The following FAM24B variants were observed in gnomAD, a reference collection of about 807,000 sequenced individuals.
FAM24B encodes the protein protein FAM24B.
Under a neutral mutation model 2.3 loss-of-function variants are expected in FAM24B, and 3 were observed. The ratio of observed to expected loss-of-function variants is 1.29; its 90% CI spans 0.59 to 3.32. FAM24B has a LOEUF of 3.32. Among genes scored for constraint, FAM24B ranks in the 30% most tolerant of loss-of-function variants. The pLI, the probability that FAM24B is intolerant of heterozygous loss-of-function variation, is 0.03. For synonymous variants in FAM24B, 36 were observed against 46.3 expected, an observed-to-expected ratio of 0.78 and a Z score of 0.90; for missense variants, 98 against 117.2, an observed-to-expected ratio of 0.84 and a Z score of 0.76.
chr10:122,879,282 C>G lies in FAM24B; in HGVS notation c.-178+203G>C, dbSNP rs1848035578. Among the ~76,000 whole-genome samples, 3 of 152,390 alleles carry G rather than the reference C, an allele frequency of 2.0e-5. No individual in the cohort carries two copies. In the South Asian group the frequency reaches 6.2e-4, roughly 32 times the overall value. ...GTTCAATATCTACCTCAACTCCCCT[C>G]TAACGCGAGAATGTGTATGAGAGAG... On this transcript the variant is annotated intron_variant, in intron 1 of 3. Transcript: ENST00000368898.
chr10:122,873,132 A>C (rs182166531), intron 1 of FAM24B, among the ~76,000 whole-genome samples: 1 of 152,290 alleles, frequency 6.6e-6, no homozygotes, highest in African/African-American at 2.4e-5. Context: ...TTTTCAGTAT[A>C]GATGAAAACA....
chr10:122,876,424 GC>G (rs1320292521), intron 1 of FAM24B, among the ~76,000 whole-genome samples: 1 of 152,162 alleles, frequency 6.6e-6, no homozygotes, highest in Non-Finnish European at 1.5e-5. Flanking sequence ...AGGTTACTTT[GC>G]CCCCTCCTTC....
chr10:122,879,021 A>G (rs954803486), intron 1 of FAM24B, among the ~76,000 whole-genome samples: 1 of 152,192 alleles, frequency 6.6e-6, no homozygotes, highest in African/African-American at 2.4e-5. Flanking sequence ...CACAACTTAG[A>G]ATGCATCTGG....
intron 1 of FAM24B, among the ~76,000 whole-genome samples, chr10:122,860,140 C>T (rs909494122): frequency 1.3e-5 from 2 of 152,042 alleles, no homozygotes; most frequent in African/African-American, 4.8e-5. Flanking sequence ...CACAACAATA[C>T]CATAAAGAAC....
At chr10:122,858,846 C>A (rs1036208119) in intron 1 of FAM24B, among the ~76,000 whole-genome samples, 2 of 152,214 alleles carry the variant, frequency 1.3e-5, no homozygotes, top group African/African-American at 2.4e-5. Flanking sequence ...GCTAAGGCTT[C>A]AGGGCACCCC....
intron 1 of FAM24B, among the ~76,000 whole-genome samples, chr10:122,865,796 T>C (rs1235397799): frequency 6.6e-6 from 1 of 152,070 alleles, no homozygotes; most frequent in Admixed American, 6.6e-5. Context: ...TTTTACTAGA[T>C]ATAGGCCTAT....
chr10:122,869,860 T>G (rs2133838698), intron 1 of FAM24B, among the ~76,000 whole-genome samples: 2 of 151,876 alleles, frequency 1.3e-5, no homozygotes, highest in Non-Finnish European at 2.9e-5. Context: ...CACCCTAACA[T>G]CACAATTAAA....
intron 1 of FAM24B, among the ~76,000 whole-genome samples, chr10:122,877,171 G>T (rs2133844524): frequency 6.6e-6 from 1 of 152,272 alleles, no homozygotes; most frequent in South Asian, 2.1e-4. Flanking sequence ...CATTAAAATT[G>T]AGGTCACCTA....
intron 1 of FAM24B, among the ~76,000 whole-genome samples, chr10:122,856,296 C>A (rs1346511372): frequency 6.6e-6 from 1 of 152,220 alleles, no homozygotes. Context: ...AGCAGTCTCA[C>A]CCAACTTGTG....
chr10:122,868,904 T>C (rs539494935), intron 1 of FAM24B, among the ~76,000 whole-genome samples: 4 of 152,254 alleles, frequency 2.6e-5, no homozygotes, highest in African/African-American at 7.2e-5. Flanking sequence ...GCTAACATCA[T>C]AATGACAGGA....
chr10:122,853,017 G>A (rs1316726035), intron 2 of FAM24B, among the ~76,000 whole-genome samples: 3 of 152,004 alleles, frequency 2.0e-5, no homozygotes, highest in African/African-American at 2.4e-5. Flanking sequence ...TTAGGAATCC[G>A]AGACAAAAAG....
At chr10:122,872,924 C>A (rs771626307) in intron 1 of FAM24B, among the ~76,000 whole-genome samples, 2 of 152,040 alleles carry the variant, frequency 1.3e-5, no homozygotes, top group Non-Finnish European at 2.9e-5. Context: ...TACCCTAAAA[C>A]TTAAAGTATA....
Position 122,860,077 on chromosome 10 carries a change from T to G in FAM24B, c.-177-4291A>C, listed in dbSNP as rs192583457. Among the ~76,000 whole-genome samples, 4 of 152,264 alleles carry G rather than the reference T, an allele frequency of 2.6e-5. No individual in the cohort carries two copies. The East Asian group carries it at 5.8e-4, about 22-fold the overall frequency. ...CTTGCACACAGTAAAGTTCGCTCTT[T>G]GTGATGTACAGTAGTATGGGTTTTG... On this transcript the variant is annotated intron_variant, in intron 1 of 3. Coordinates refer to ENST00000368898, the MANE Select transcript of FAM24B (RefSeq NM_152644.3).
chr10:122,877,095 A>C (rs1293924171), intron 1 of FAM24B, among the ~76,000 whole-genome samples: 2 of 152,220 alleles, frequency 1.3e-5, no homozygotes, highest in African/African-American at 4.8e-5. Context: ...CTTATTCTTT[A>C]TTTCAAGTGA....
chr10:122,850,016 G>A (rs932449262), intron 3 of FAM24B, among the ~76,000 whole-genome samples: 3 of 152,020 alleles, frequency 2.0e-5, no homozygotes, highest in African/African-American at 2.4e-5. Context: ...AATCCAGCCC[G>A]TCCTCCACAT....
chr10:122,874,376 G>A (rs1371685400), intron 1 of FAM24B, among the ~76,000 whole-genome samples: 1 of 152,100 alleles, frequency 6.6e-6, no homozygotes, highest in Admixed American at 6.5e-5. Flanking sequence ...ATAGATCCAA[G>A]TTCATGACCT....
At chr10:122,858,291 A>C (rs949754030) in intron 1 of FAM24B, among the ~76,000 whole-genome samples, 1 of 152,096 alleles carries the variant, frequency 6.6e-6, no homozygotes, top group Non-Finnish European at 1.5e-5. Flanking sequence ...TTCTCAGCAA[A>C]CTATCGCAAG....
intron 1 of FAM24B, among the ~76,000 whole-genome samples, chr10:122,873,163 G>A (rs1847925325): frequency 1.3e-5 from 2 of 152,252 alleles, no homozygotes; most frequent in Middle Eastern, 3.4e-3. Context: ...GGACAAAGAT[G>A]CCCTCTAGGA....
chr10:122,877,175 T>C (rs1307091845), intron 1 of FAM24B, among the ~76,000 whole-genome samples: 1 of 152,154 alleles, frequency 6.6e-6, no homozygotes, highest in African/African-American at 2.4e-5. Flanking sequence ...AAAATTGAGG[T>C]CACCTAGGCA....
Sources: gnomAD v4.1 joint callset for allele counts (sites outside exome capture counted in the v4.1 genomes callset) on GRCh38, gnomAD v4.1.1 for gene constraint, MANE v1.5 for transcripts, NCBI Gene and HGNC (gene_info 2026-07-23, HGNC 2026-07-21) for gene names.